Variants in PPP4R1 observed in about 807,000 individuals in gnomAD.
The protein encoded by PPP4R1 is serine/threonine-protein phosphatase 4 regulatory subunit 1.
Under a neutral mutation model 111.2 loss-of-function variants are expected in PPP4R1, and 42 were observed. The observed-to-expected ratio is 0.38, with a 90% CI of 0.29 to 0.49. PPP4R1 has a LOEUF of 0.49. PPP4R1 is among the 20% of genes least tolerant of loss of function. PPP4R1 has a pLI of 0.97. For missense variants in PPP4R1, 1,012 were observed against 1,161.6 expected (o/e 0.87, Z 1.87); for synonymous variants, 409 against 405.5 (o/e 1.01, Z -0.10).
intron 11 of PPP4R1, among the ~76,000 whole-genome samples, chr18:9,566,902 C>T (rs545651625): frequency 6.6e-6 from 1 of 152,294 alleles, no homozygotes; most frequent in South Asian, 2.1e-4. Context: ...ACTGACAATA[C>T]ACCTGGTCAC....
At chr18:9,585,801 A>G (rs1184208741) in intron 6 of PPP4R1, among the ~76,000 whole-genome samples, 2 of 152,228 alleles carry the variant, frequency 1.3e-5, no homozygotes, top group Non-Finnish European at 2.9e-5. Context: ...CTTTTAAAAA[A>G]TATGAAATCG....
intron 3 of PPP4R1, chr18:9,594,660 G>A: frequency 5.1e-6 from 1 of 196,774 alleles, no homozygotes; most frequent in Admixed American, 5.6e-5. Context: ...ACTGCTGTGT[G>A]ACCCAATGAT....
At chr18:9,616,002 G>A (rs1357452149), upstream of PPP4R1, among the ~76,000 whole-genome samples, 2 of 152,116 alleles carry the variant, frequency 1.3e-5, no homozygotes, top group Non-Finnish European at 2.9e-5. Context: ...CCGTAACCCC[G>A]AGTATGTGTC....
rs188905830 is a variant in PPP4R1, at chr18:9,583,575, C to A, written c.760-300G>T. On this transcript the variant is annotated intron_variant, in intron 8 of 19. Coordinates refer to ENST00000400556, the MANE Select transcript of PPP4R1 (RefSeq NM_001042388.3). ...AGAAATGAGGGTTCACCATGTTGGC[C>A]AGGCTGGTCTCGAACTCCTGACCTC... Among the ~76,000 whole-genome samples the A allele has an allele frequency of 3.5e-3, 528 of 152,068 alleles. 3 individuals carry two copies. The highest frequency in any genetic ancestry group is 0.012 in the African/African-American group (493 of 41,472).
intron 6 of PPP4R1, among the ~76,000 whole-genome samples, chr18:9,587,716 T>G (rs2067144127): frequency 6.6e-6 from 1 of 150,748 alleles, no homozygotes; most frequent in South Asian, 2.1e-4. Context: ...CAGCCTAATT[T>G]TTTTTTTTTT....
At position 9,569,031 on chromosome 18, in the gene PPP4R1, CA is replaced by C. The variant is rs754830465; in HGVS notation, c.1573+1125del. ...GCCTGGTGACAGAGTGAGACTGTCT[CA>C]AAAAAAAAAAAAAAGTAGCTGGGTG... is the stretch of plus-strand genomic sequence containing the variant. On this transcript the variant is annotated intron_variant, in intron 11 of 19. Coordinates refer to ENST00000400556, the MANE Select transcript of PPP4R1 (RefSeq NM_001042388.3). Among the ~76,000 whole-genome samples the C allele has an allele frequency of 6.5e-3, 840 of 129,016 alleles. 6 individuals are homozygous for C. The highest frequency in any genetic ancestry group is 0.018 in the African/African-American group (623 of 35,154). 84.6% of individuals were successfully genotyped at this position (129,016 alleles called of 152,430 possible). A position where few individuals can be genotyped will look rare whatever the true frequency, so the allele number is the denominator to read the frequency against.
chr18:9,616,356 G>A (rs768349501), upstream of PPP4R1, among the ~76,000 whole-genome samples: 3 of 151,208 alleles, frequency 2.0e-5, no homozygotes, highest in Non-Finnish European at 4.4e-5. Flanking sequence ...CTGTAACCTC[G>A]AACTCCTGGC....
intron 4 of PPP4R1, among the ~76,000 whole-genome samples, chr18:9,592,960 G>T (rs1369419759): frequency 6.6e-6 from 1 of 152,054 alleles, no homozygotes; most frequent in Non-Finnish European, 1.5e-5. Context: ...TGCCCACCCT[G>T]TAAGAATATT....
At chr18:9,564,104 T>G (rs1347889069) in intron 11 of PPP4R1, among the ~76,000 whole-genome samples, 1 of 152,216 alleles carries the variant, frequency 6.6e-6, no homozygotes, top group Non-Finnish European at 1.5e-5. Flanking sequence ...GAGCACTGTC[T>G]TGCTTGCAGC....
intron 18 of PPP4R1, 173 bp downstream of exon 18, chr18:9,549,879 G>A (rs1312440619): frequency 1.1e-6 from 1 of 948,802 alleles, no homozygotes; most frequent in Non-Finnish European, 1.5e-6. Flanking sequence ...AGCTGGGAGA[G>A]AGGGGCCACC....
chr18:9,567,166 G>A (rs2066781687), intron 11 of PPP4R1, among the ~76,000 whole-genome samples: 1 of 152,148 alleles, frequency 6.6e-6, no homozygotes, highest in South Asian at 2.1e-4. Flanking sequence ...ATTCATGGGA[G>A]GAGGTCAAAA....
At chr18:9,568,362 A>T (rs2066804789) in intron 11 of PPP4R1, among the ~76,000 whole-genome samples, 1 of 152,162 alleles carries the variant, frequency 6.6e-6, no homozygotes, top group Non-Finnish European at 1.5e-5. Flanking sequence ...GTGTGACTCT[A>T]TTGCAATATT....
At position 9,547,673 on chromosome 18, in the gene PPP4R1, C is replaced by A; in HGVS notation, c.*116G>T. 1 of 1,299,510 alleles carries A rather than the reference C, an allele frequency of 7.7e-7. No homozygotes were observed. Among genetic ancestry groups the A allele is most frequent in the Non-Finnish European group, 1.1e-6 (1 of 929,384 alleles). The allele number at this position is 1,299,510 out of a possible 1,614,324, so 80.5% of individuals were successfully genotyped here. A position where few individuals can be genotyped will look rare whatever the true frequency, so the allele number is the denominator to read the frequency against. On this transcript the variant is annotated 3_prime_UTR_variant, in exon 20 of 20. Coordinates refer to ENST00000400556, the MANE Select transcript of PPP4R1 (RefSeq NM_001042388.3). Reference sequence around the variant, plus strand: ...AGGCAACTTGCACCTGCAATGAAGTCCGCAGGAGAGGAAGGTCTCTCCTCC... The same window carrying A: ...AGGCAACTTGCACCTGCAATGAAGTACGCAGGAGAGGAAGGTCTCTCCTCC...
intron 13 of PPP4R1, among the ~76,000 whole-genome samples, chr18:9,560,795 G>A (rs1295629904): frequency 6.6e-6 from 1 of 151,636 alleles, no homozygotes; most frequent in South Asian, 2.1e-4. Context: ...CCAGGAGTTC[G>A]AGGCTGCAGT....
chr18:9,600,196 CAAAA>C (rs57840721), intron 2 of PPP4R1, among the ~76,000 whole-genome samples: 20,253 of 109,454 alleles, frequency 0.19, 2,399 homozygotes, highest in African/African-American at 0.38. Flanking sequence ...TTCTATTTCC[CAAAA>C]AAAAAAAAAA....
chr18:9,550,198 A>G lies in PPP4R1; in HGVS notation c.2413-12T>C. On this transcript the variant is annotated splice_polypyrimidine_tract_variant and intron_variant, in intron 17 of 19. Coordinates refer to ENST00000400556, the MANE Select transcript of PPP4R1 (RefSeq NM_001042388.3). ...ACCATCTCGCTGACCTGGGAGGGTG[A>G]GCATGGAGAAATGAGGAACAGCTTC... 1 of 1,614,178 alleles carries G rather than the reference A, an allele frequency of 6.2e-7. No individual in the cohort carries two copies. Among genetic ancestry groups the G allele is most frequent in the Admixed American group, 1.7e-5 (1 of 60,018 alleles).
intron 15 of PPP4R1, among the ~76,000 whole-genome samples, chr18:9,556,571 A>G (rs2066589585): frequency 3.3e-5 from 5 of 152,366 alleles, no homozygotes; most frequent in African/African-American, 1.2e-4. Context: ...TTTCAAGGCT[A>G]AAGTCTAAAA....
At position 9,594,853 on chromosome 18, in the gene PPP4R1, T is replaced by C. The variant is rs1055144431; in HGVS notation, c.188+165A>G. On this transcript the variant is annotated intron_variant, in intron 3 of 19. Transcript: ENST00000400556. The stretch of plus-strand genomic sequence containing the variant: ...TTGTATGCTTACTAGGATCAAAGAA[T>C]AAACAAGTACAAAACTGCTCATGCT... The C allele has an allele frequency of 6.8e-6, 5 of 740,390 alleles. No homozygotes were observed. In the African/African-American group the frequency reaches 7.2e-5, roughly 11 times the overall value. 45.9% of individuals were successfully genotyped at this position (740,390 alleles called of 1,614,324 possible). A position where few individuals can be genotyped will look rare whatever the true frequency, so the allele number is the denominator to read the frequency against.
chr18:9,588,927 C>T (rs1160592970), intron 4 of PPP4R1, 74 bp from the exon 5 acceptor site: 8 of 1,526,678 alleles, frequency 5.2e-6, no homozygotes, highest in African/African-American at 2.8e-5. Context: ...CTTGAGGGTA[C>T]TTAGGAAGGC....
Sources: gnomAD v4.1 joint callset for allele counts (sites outside exome capture counted in the v4.1 genomes callset) on GRCh38, gnomAD v4.1.1 for gene constraint, MANE v1.5 for transcripts, NCBI Gene and HGNC (gene_info 2026-07-23, HGNC 2026-07-21) for gene names.